MROH9: variants seen among roughly 807,000 people sequenced by gnomAD.
The protein encoded by MROH9 is maestro heat-like repeat-containing protein family member 9.
MROH9 carries 92 observed loss-of-function variants against 98.2 expected under a neutral mutation model. The ratio of observed to expected loss-of-function variants is 0.94; its 90% confidence interval spans 0.79 to 1.11. MROH9 has a LOEUF of 1.11. MROH9 is among the 50% of genes most tolerant of loss of function. The pLI is 0.00. For missense variants in MROH9, 1,057 were observed against 1,014.8 expected (o/e 1.04, Z -0.57); for synonymous variants, 397 against 368.9 (o/e 1.08, Z -0.87).
Position 170,971,745 on chromosome 1 carries a change from T to C in MROH9, c.481-3T>C. ...TGCATGTTCTCCTTTGTTTCTCCATTAGATAAGTGTTGATGCTCCATGTTT... is the reference window on the plus strand; with the variant it reads ...TGCATGTTCTCCTTTGTTTCTCCATCAGATAAGTGTTGATGCTCCATGTTT... On this transcript the variant is annotated splice_polypyrimidine_tract_variant and splice_region_variant and intron_variant, in intron 7 of 21. Coordinates refer to ENST00000367759, the MANE Select transcript of MROH9 (RefSeq NM_001163629.2). The C allele has an allele frequency of 3.1e-6, 5 of 1,613,924 alleles. No homozygotes were observed. Among genetic ancestry groups the C allele is most frequent in the Non-Finnish European group, 4.2e-6 (5 of 1,179,842 alleles).
intron 20 of MROH9, among the ~76,000 whole-genome samples, chr1:171,043,814 T>C (rs938041739): frequency 6.6e-6 from 1 of 152,146 alleles, no homozygotes; most frequent in Non-Finnish European, 1.5e-5. Context: ...TTTTCGTATG[T>C]TGATTTTTGT....
intron 15 of MROH9, among the ~76,000 whole-genome samples, chr1:171,012,778 C>G (rs563952135): frequency 6.6e-6 from 1 of 152,134 alleles, no homozygotes; most frequent in Non-Finnish European, 1.5e-5. Context: ...GCTGGGATTA[C>G]AGGCATGAGC....
At chr1:170,945,454 G>A in intron 1 of MROH9, 66 bp from the exon 2 acceptor site, 1 of 1,099,592 alleles carries the variant, frequency 9.1e-7, no homozygotes, top group Non-Finnish European at 1.4e-6. Context: ...CATCCATATT[G>A]ATAGAGCAAA....
chr1:170,988,044 A>G (rs944148714), intron 10 of MROH9, among the ~76,000 whole-genome samples: 2 of 152,242 alleles, frequency 1.3e-5, no homozygotes, highest in African/African-American at 4.8e-5. Flanking sequence ...CACATACTGT[A>G]TGTCCTCTGC....
At chr1:170,994,251 G>C (rs1651472052) in intron 12 of MROH9, among the ~76,000 whole-genome samples, 1 of 152,092 alleles carries the variant, frequency 6.6e-6, no homozygotes, top group African/African-American at 2.4e-5. Context: ...GTCCACCAAG[G>C]GATTTCAGAT....
chr1:171,048,119 C>T (rs1653523976), intron 20 of MROH9, among the ~76,000 whole-genome samples: 1 of 152,192 alleles, frequency 6.6e-6, no homozygotes, highest in Non-Finnish European at 1.5e-5. Context: ...GCCAGTACAG[C>T]ACTGAGTCTC....
intron 20 of MROH9, among the ~76,000 whole-genome samples, chr1:171,028,766 G>GGT (rs1281796389): frequency 1.3e-5 from 2 of 152,032 alleles, no homozygotes; most frequent in Non-Finnish European, 2.9e-5. Context: ...TGTATTCCTA[G>GGT]ATTTTATTTT....
intron 3 of MROH9, among the ~76,000 whole-genome samples, chr1:170,956,329 A>AC (rs1461578407): frequency 1.3e-5 from 2 of 150,898 alleles, no homozygotes; most frequent in African/African-American, 4.9e-5. Flanking sequence ...GAATTTTAGA[A>AC]TTTTTTTTTC....
At chr1:171,000,510 T>G (rs1308225211) in intron 15 of MROH9, among the ~76,000 whole-genome samples, 1 of 152,140 alleles carries the variant, frequency 6.6e-6, no homozygotes, top group Non-Finnish European at 1.5e-5. Flanking sequence ...GTGATTTTTG[T>G]TTTTAGCTAT....
intron 3 of MROH9, among the ~76,000 whole-genome samples, chr1:170,949,648 C>G (rs1260370705): frequency 6.6e-6 from 1 of 152,008 alleles, no homozygotes; most frequent in East Asian, 1.9e-4. Context: ...AAACCAAAAA[C>G]CAAAACACAG....
chr1:171,061,538 C>G lies in MROH9; in HGVS notation c.2282-594C>G, dbSNP rs186916775. 2.6e-5 allele frequency among the ~76,000 whole-genome samples: 4 copies of G among 152,282 alleles called. No homozygotes were observed. The East Asian group carries it at 7.7e-4, about 29-fold the overall frequency. ...TTGTATATAGCAGGTTCAGCAAACT[C>G]TTTCTGTTAAAGGCCCAATAGTAAA... On this transcript the variant is annotated intron_variant, in intron 20 of 21. Coordinates refer to ENST00000367759, the MANE Select transcript of MROH9 (RefSeq NM_001163629.2).
intron 15 of MROH9, among the ~76,000 whole-genome samples, chr1:171,003,536 G>A (rs768970296): frequency 2.6e-5 from 4 of 152,206 alleles, no homozygotes; most frequent in Non-Finnish European, 5.9e-5. Flanking sequence ...CACCCTGTGA[G>A]TCTACCAGCC....
In MROH9 at chr1:170,996,763, T is replaced by C. The variant is rs1651593226; in HGVS notation, c.1475+119T>C. On this transcript the variant is annotated intron_variant, in intron 14 of 21. Coordinates refer to ENST00000367759, the MANE Select transcript of MROH9 (RefSeq NM_001163629.2). Reference sequence around the variant, plus strand: ...ATTCCAATTTCCAAATCTCTCTTAATGATCTGAGTTGCTATTTGATTTCTA... The same window carrying C: ...ATTCCAATTTCCAAATCTCTCTTAACGATCTGAGTTGCTATTTGATTTCTA... 12 of 904,046 alleles carry C rather than the reference T, an allele frequency of 1.3e-5. No homozygotes were observed. In the South Asian group the frequency reaches 2.3e-4, roughly 17 times the overall value. The allele number at this position is 904,046 out of a possible 1,614,324, so 56.0% of individuals were successfully genotyped here. A position where few individuals can be genotyped will look rare whatever the true frequency, so the allele number is the denominator to read the frequency against.
intron 20 of MROH9, among the ~76,000 whole-genome samples, chr1:171,061,531 G>A (rs2101878125): frequency 6.6e-6 from 1 of 152,238 alleles, no homozygotes; most frequent in South Asian, 2.1e-4. Flanking sequence ...AGCAGGTTCA[G>A]CAAACTCTTT....
At chr1:170,940,001 A>G (rs61815197) in intron 1 of MROH9, among the ~76,000 whole-genome samples, 14,722 of 152,186 alleles carry the variant, frequency 0.097, 1,133 homozygotes, top group African/African-American at 0.21. Context: ...AGACTGTACA[A>G]CAGCCTGGAC....
In MROH9 at chr1:170,986,564, G is replaced by A; in HGVS notation, c.733G>A (p.Val245Ile). 1 of 1,613,044 alleles carries A rather than the reference G, an allele frequency of 6.2e-7. No homozygotes were observed. Among genetic ancestry groups the A allele is most frequent in the South Asian group, 1.1e-5 (1 of 90,890 alleles). ...TGATTATCCTTTGTGGTTGCAGAGAGTAGGGCAAACCTTACTGCCTCCCTT... is the reference window on the plus strand; with the variant it reads ...TGATTATCCTTTGTGGTTGCAGAGAATAGGGCAAACCTTACTGCCTCCCTT... ...QQDESKIAQR[V>I]GQTLLPPLLT... Residue 245 changes from valine (V) to isoleucine (I), a missense_variant, in exon 10 of 22, where the codon GTA becomes ATA. By Grantham distance (29) the Val-to-Ile change is conservative. Transcript: ENST00000367759.
At chr1:171,002,596 T>A (rs1423345693) in intron 15 of MROH9, among the ~76,000 whole-genome samples, 1 of 152,204 alleles carries the variant, frequency 6.6e-6, no homozygotes. Context: ...CCCTTCTAGA[T>A]TGTAGGGTTT....
intron 3 of MROH9, among the ~76,000 whole-genome samples, chr1:170,956,916 T>A (rs1212575680): frequency 6.6e-6 from 1 of 152,086 alleles, no homozygotes; most frequent in Non-Finnish European, 1.5e-5. Context: ...AGAGTGGGCA[T>A]CCTTGTCTTG....
At chr1:171,062,885 C>A (rs890382963) in intron 21 of MROH9, among the ~76,000 whole-genome samples, 8 of 152,134 alleles carry the variant, frequency 5.3e-5, no homozygotes, top group Non-Finnish European at 2.9e-5. Context: ...CTCTCCTCAC[C>A]TATGCATAGC....
Sources: gnomAD v4.1 joint callset for allele counts (sites outside exome capture counted in the v4.1 genomes callset) on GRCh38, gnomAD v4.1.1 for gene constraint, MANE v1.5 for transcripts, NCBI Gene and HGNC (gene_info 2026-07-23, HGNC 2026-07-21) for gene names.